HACE1: variants seen among roughly 807,000 people sequenced by gnomAD.
HACE1 encodes the protein E3 ubiquitin-protein ligase HACE1.
In HACE1, 73 loss-of-function variants were observed where a neutral mutation model predicts 118.4. The ratio of observed to expected loss-of-function variants is 0.62; its 90% CI spans 0.51 to 0.75. The LOEUF is 0.75. Among genes scored for constraint, HACE1 ranks in the 30% least tolerant of loss-of-function variants. The probability of loss-of-function intolerance (pLI) is 0.00; values close to 1 mark genes in which losing one functional copy is unlikely to be tolerated. For synonymous variants in HACE1, 368 were observed against 374.8 expected (o/e 0.98, Z 0.21); for missense variants, 749 against 1,102.2 (o/e 0.68, Z 4.54).
At chr6:104,730,688 C>T in intron 22 of HACE1, 1 of 400,364 alleles carries the variant, frequency 2.5e-6, no homozygotes, top group South Asian at 2.4e-5. Context: ...TAGTATGCTA[C>T]ATTTACAATT....
At chr6:104,729,846 C>A (rs1182930597) in intron 23 of HACE1, 82 bp from the exon 24 acceptor site, 2 of 725,290 alleles carry the variant, frequency 2.8e-6, no homozygotes, top group East Asian at 2.6e-5. Context: ...AAACACTACT[C>A]ATAATTAACA....
At chr6:104,786,604 C>CAAAAAAAAAAAAAAAAAAAATAAAA (rs778056795) in intron 11 of HACE1, 1 of 67,918 alleles carries the variant, frequency 1.5e-5, no homozygotes, top group Non-Finnish European at 3.3e-5. Context: ...ATACTGTCTC[C>CAAAAAAAAAAAAAAAAAAAATAAAA]AAAAAAAAAA....
chr6:104,770,818 C>T (rs1460692525), intron 19 of HACE1, among the ~76,000 whole-genome samples: 18 of 152,228 alleles, frequency 1.2e-4, no homozygotes, highest in Admixed American at 1.2e-3. Flanking sequence ...AGCTTAAACA[C>T]TGGCATTTCT....
At chr6:104,857,190 CATAT>C (rs1026017408) in intron 1 of HACE1, among the ~76,000 whole-genome samples, 1 of 143,986 alleles carries the variant, frequency 6.9e-6, no homozygotes, top group African/African-American at 2.6e-5. Flanking sequence ...TATATATTTA[CATAT>C]ATATTTACAT....
chr6:104,796,624 C>T (rs1215800111), intron 9 of HACE1, 31 bp downstream of exon 9: 1 of 1,040,862 alleles, frequency 9.6e-7, no homozygotes, highest in Non-Finnish European at 1.5e-6. Context: ...AAAGCTTCTT[C>T]ATTTACAAGC....
chr6:104,803,936 A>G (rs953894532), intron 7 of HACE1, among the ~76,000 whole-genome samples: 3 of 152,234 alleles, frequency 2.0e-5, no homozygotes, highest in Non-Finnish European at 2.9e-5. Context: ...CCCTGTTTGC[A>G]GATGACATGA....
At chr6:104,734,085 G>A (rs1421269895) in intron 22 of HACE1, among the ~76,000 whole-genome samples, 2 of 150,370 alleles carry the variant, frequency 1.3e-5, no homozygotes, top group South Asian at 2.1e-4. Context: ...CCTGGGAGGC[G>A]GGGGTTGCAG....
chr6:104,774,037 T>A (rs1006505004), intron 17 of HACE1, among the ~76,000 whole-genome samples: 5 of 151,272 alleles, frequency 3.3e-5, no homozygotes, highest in African/African-American at 1.2e-4. Flanking sequence ...ATCAGCTAAC[T>A]GAGTTCTTAC....
Position 104,833,095 on chromosome 6 carries a change from C to G in HACE1, c.481G>C (p.Asp161His). ...VQHVSDVDVEDAMGQTALHVA... is the reference protein window; with the variant it reads ...VQHVSDVDVEHAMGQTALHVA... The stretch of plus-strand genomic sequence containing the variant: ...TGCAGTGCTGTCTGCCCCATGGCAT[C>G]CTCAACATCAACATCACTGACATGC... The change falls in exon 6 of 24, where the codon GAT becomes CAT. Residue 161 changes from aspartate to histidine, a missense_variant. Physicochemically the swap from Asp to His is moderately conservative, Grantham distance 81. This residue lies in a region of HACE1 where 120 missense variants were observed against 219.1 expected (regional missense o/e 0.55). Transcript: ENST00000262903. 2 of 1,613,456 alleles carry G rather than the reference C, an allele frequency of 1.2e-6. No homozygotes were observed. Among genetic ancestry groups the G allele is most frequent in the Non-Finnish European group, 1.7e-6 (2 of 1,179,346 alleles).
chr6:104,848,875 G>A (rs1402840878), intron 4 of HACE1, among the ~76,000 whole-genome samples: 1 of 151,958 alleles, frequency 6.6e-6, no homozygotes, highest in East Asian at 1.9e-4. Flanking sequence ...TTTTCAAGAA[G>A]AAAATTAGTG....
intron 10 of HACE1, among the ~76,000 whole-genome samples, chr6:104,792,829 A>G (rs1224491676): frequency 6.6e-6 from 1 of 152,162 alleles, no homozygotes; most frequent in Non-Finnish European, 1.5e-5. Context: ...TGAAGCTGTG[A>G]TCAATCAAGC....
At chr6:104,851,703 T>A (rs1776221052) in intron 2 of HACE1, among the ~76,000 whole-genome samples, 1 of 150,618 alleles carries the variant, frequency 6.6e-6, no homozygotes, top group Admixed American at 6.8e-5. Context: ...AAACATTTTT[T>A]AATTATACCA....
chr6:104,757,234 A>G (rs1398835845), intron 19 of HACE1, among the ~76,000 whole-genome samples: 1 of 152,188 alleles, frequency 6.6e-6, no homozygotes, highest in Non-Finnish European at 1.5e-5. Flanking sequence ...ACAGTGTTTG[A>G]GCTATGAGAA....
chr6:104,750,895 C>T (rs1777970451), intron 19 of HACE1, among the ~76,000 whole-genome samples: 1 of 152,102 alleles, frequency 6.6e-6, no homozygotes, highest in African/African-American at 2.4e-5. Context: ...TGTGTATATA[C>T]ACATAGATAT....
chr6:104,854,323 G>C (rs1484971227), intron 1 of HACE1, among the ~76,000 whole-genome samples: 1 of 152,124 alleles, frequency 6.6e-6, no homozygotes, highest in African/African-American at 2.4e-5. Context: ...GGGAAAGCTG[G>C]TGAAATTTTA....
At position 104,771,241 on chromosome 6, in the gene HACE1, C is replaced by A; in HGVS notation, c.2163G>T (p.Val721=). The change falls in exon 19 of 24, where the codon GTG becomes GTT. Residue 721 remains valine, a synonymous_variant. Transcript: ENST00000262903. ...TACTCCCACCCCCAGGTTTCAAAGG[C>A]ACCTCTTCCATTGCTCCAAACACAT... The part of the protein sequence containing the change: ...ETDVFGAMEE[V]PLKPGGGSIL... The A allele has an allele frequency of 6.2e-7, 1 of 1,613,732 alleles. No homozygotes were observed. The highest frequency in any genetic ancestry group is 8.5e-7 in the Non-Finnish European group (1 of 1,179,682).
intron 3 of HACE1, among the ~76,000 whole-genome samples, chr6:104,849,936 C>G (rs376984157): frequency 6.4e-4 from 95 of 149,324 alleles, no homozygotes; most frequent in African/African-American, 2.1e-3. Flanking sequence ...AGGCGTAAGC[C>G]ACCACGCCCG....
At chr6:104,853,218 G>A (rs898359193) in intron 1 of HACE1, among the ~76,000 whole-genome samples, 1 of 152,148 alleles carries the variant, frequency 6.6e-6, no homozygotes, top group Non-Finnish European at 1.5e-5. Context: ...CTCGATGCTG[G>A]TGCCACACTG....
chr6:104,816,720 G>A (rs1465648537), intron 6 of HACE1, among the ~76,000 whole-genome samples: 1 of 152,096 alleles, frequency 6.6e-6, no homozygotes, highest in East Asian at 1.9e-4. Flanking sequence ...CCCAACAATA[G>A]GAGACCCACT....
Sources: allele counts gnomAD v4.1 joint callset (sites outside exome capture counted in the v4.1 genomes callset), GRCh38; gene constraint gnomAD v4.1.1; regional missense constraint gnomAD v4.1.1; transcripts MANE v1.5; gene names NCBI Gene and HGNC (gene_info 2026-07-23, HGNC 2026-07-21).